Variants in PRKACB observed in about 807,000 individuals in gnomAD.
PRKACB encodes cAMP-dependent protein kinase catalytic subunit beta.
In PRKACB, 16 loss-of-function variants were observed where a neutral mutation model predicts 51.4. The observed-to-expected ratio is 0.31, with a 90% CI of 0.21 to 0.47. The LOEUF (loss-of-function observed/expected upper bound fraction) is 0.47, where lower values mean the gene tolerates loss of function less well. PRKACB is among the 20% of genes least tolerant of loss of function. PRKACB has a pLI of 1.00. For missense variants in PRKACB, 309 were observed against 464.5 expected, an observed-to-expected ratio of 0.67 and a Z score of 3.08; for synonymous variants, 147 against 154.4, an observed-to-expected ratio of 0.95 and a Z score of 0.35.
chr1:84,181,139 A>G (rs1261313147), intron 2 of PRKACB, among the ~76,000 whole-genome samples: 3 of 152,050 alleles, frequency 2.0e-5, no homozygotes, highest in African/African-American at 4.8e-5. Flanking sequence ...ATGATCCAAC[A>G]GAAAGCTAAA....
chr1:84,213,533 C>T (rs1672437830), intron 8 of PRKACB, among the ~76,000 whole-genome samples: 1 of 152,082 alleles, frequency 6.6e-6, no homozygotes, highest in Non-Finnish European at 1.5e-5. Flanking sequence ...ATTGTAAAGT[C>T]TTCACAATTT....
At chr1:84,233,963 G>C (rs1676220856) in intron 9 of PRKACB, among the ~76,000 whole-genome samples, 1 of 152,122 alleles carries the variant, frequency 6.6e-6, no homozygotes, top group South Asian at 2.1e-4. Flanking sequence ...GTGAGGAACT[G>C]CGTTCCTTTG....
chr1:84,143,824 A>T (rs1653680369), upstream of PRKACB, among the ~76,000 whole-genome samples: 1 of 152,102 alleles, frequency 6.6e-6, no homozygotes, highest in Non-Finnish European at 1.5e-5. Flanking sequence ...CGTGTTATAA[A>T]TTTGTTTTGC....
intron 1 of PRKACB, among the ~76,000 whole-genome samples, chr1:84,109,201 A>G (rs1650018229): frequency 6.6e-6 from 1 of 151,988 alleles, no homozygotes; most frequent in South Asian, 2.1e-4. Flanking sequence ...TAATGCTACT[A>G]TAAACATTCC....
intron 1 of PRKACB, among the ~76,000 whole-genome samples, chr1:84,127,684 GT>G (rs767635086): frequency 2.0e-4 from 30 of 151,806 alleles, no homozygotes; most frequent in Non-Finnish European, 3.8e-4. Flanking sequence ...AATAAATTTA[GT>G]TCTTATTTTC....
intron 3 of PRKACB, among the ~76,000 whole-genome samples, chr1:84,182,838 C>A (rs1217053389): frequency 6.6e-6 from 1 of 151,988 alleles, no homozygotes; most frequent in African/African-American, 2.4e-5. Flanking sequence ...TGATGGACAA[C>A]TATAATTTAT....
At position 84,214,157 on chromosome 1, in the gene PRKACB, G is replaced by A; in HGVS notation, c.911G>A (p.Arg304Gln). The part of the protein sequence containing the change: ...IYEKIVSGKV[R>Q]FPSHFSSDLK... ...CCAAATGGTGTGTTTGTGTAGGTCC[G>A]ATTCCCATCCCACTTCAGTTCAGAT... The change falls in exon 9 of 10, where the codon CGA becomes CAA. Residue 304 changes from arginine to glutamine, a missense_variant. Transcript: ENST00000370685. 1.9e-6 allele frequency: 3 copies of A among 1,605,840 alleles called. No individual in the cohort carries two copies. The highest frequency in any genetic ancestry group is 2.5e-6 in the Non-Finnish European group (3 of 1,176,576).
chr1:84,221,805 A>G (rs1024016074), intron 9 of PRKACB, among the ~76,000 whole-genome samples: 2 of 152,096 alleles, frequency 1.3e-5, no homozygotes, highest in Non-Finnish European at 2.9e-5. Flanking sequence ...TATGATTTCA[A>G]GTTTTTAAAA....
chr1:84,204,581 T>C (rs919125330), intron 8 of PRKACB: 6 of 1,468,546 alleles, frequency 4.1e-6, no homozygotes, highest in Middle Eastern at 2.1e-4. Flanking sequence ...TCAAGAGGAC[T>C]AAAGGTCATA....
chr1:84,118,779 A>C (rs555207057), intron 1 of PRKACB, among the ~76,000 whole-genome samples: 18 of 152,210 alleles, frequency 1.2e-4, no homozygotes, highest in Admixed American at 2.6e-4. Context: ...CACTTATAAT[A>C]ATATTTACTT....
At chr1:84,124,553 T>C (rs1651390862) in intron 1 of PRKACB, among the ~76,000 whole-genome samples, 1 of 152,220 alleles carries the variant, frequency 6.6e-6, no homozygotes, top group Non-Finnish European at 1.5e-5. Flanking sequence ...ACATTTGTAA[T>C]GTTGCTGTCT....
At chr1:84,093,291 C>CTG (rs1553158610) in intron 1 of PRKACB, among the ~76,000 whole-genome samples, 6 of 151,516 alleles carry the variant, frequency 4.0e-5, no homozygotes, top group African/African-American at 1.5e-4. Context: ...CTCTCTCTCT[C>CTG]TGTGTATGCG....
At position 84,238,173 on chromosome 1, in the gene PRKACB, T is replaced by C. The variant is rs1676818582; in HGVS notation, c.*2868T>C. The C allele has an allele frequency of 2.6e-5, 4 of 152,472 alleles. No individual in the cohort carries two copies. Among genetic ancestry groups the C allele is most frequent in the South Asian group, 2.1e-4 (1 of 4,832 alleles). The allele number at this position is 152,472 out of a possible 1,614,324, so 9.4% of individuals were successfully genotyped here. ...CTACCAAAAACGATATTGTGGCTTA[T>C]GGGTATTGCTGTCTCATTCTTGGTA... On this transcript the variant is annotated 3_prime_UTR_variant, in exon 10 of 10. Transcript: ENST00000370685.
chr1:84,164,291 T>C (rs1656705757), intron 1 of PRKACB: 4 of 1,502,362 alleles, frequency 2.7e-6, no homozygotes, highest in Non-Finnish European at 2.7e-6. Context: ...TCGCCAATAG[T>C]CACTAGCAAC....
chr1:84,118,875 A>G (rs949687713), intron 1 of PRKACB, among the ~76,000 whole-genome samples: 1 of 152,186 alleles, frequency 6.6e-6, no homozygotes, highest in Non-Finnish European at 1.5e-5. Flanking sequence ...TAGTTGACAT[A>G]TGTATCAAAA....
intron 2 of PRKACB, among the ~76,000 whole-genome samples, chr1:84,179,756 T>C (rs1662582461): frequency 1.3e-5 from 2 of 151,926 alleles, no homozygotes; most frequent in Non-Finnish European, 2.9e-5. Flanking sequence ...TTTACAAAAA[T>C]AATATTTTTG....
intron 1 of PRKACB, 103 bp downstream of exon 1, chr1:84,144,651 G>A (rs1481356577): frequency 8.0e-7 from 1 of 1,256,870 alleles, no homozygotes; most frequent in African/African-American, 1.6e-5. Context: ...GTTGTTTTCT[G>A]ATTTTCACAA....
In PRKACB at chr1:84,202,526, A is replaced by G. The variant is rs113083296; in HGVS notation, c.784-157A>G. On this transcript the variant is annotated intron_variant, in intron 7 of 9. Coordinates refer to ENST00000370685, the MANE Select transcript of PRKACB (RefSeq NM_182948.4). Reference sequence around the variant, plus strand: ...TTGTTTAATTTAAATCTGACCTGATACATTTGGTTCATTTTTAAATTCTGT... The same window carrying G: ...TTGTTTAATTTAAATCTGACCTGATGCATTTGGTTCATTTTTAAATTCTGT... 2.1e-3 allele frequency among the ~76,000 whole-genome samples: 324 copies of G among 152,210 alleles called. 3 individuals are homozygous for G. The highest frequency in any genetic ancestry group is 7.5e-3 in the African/African-American group (310 of 41,574).
intron 1 of PRKACB, among the ~76,000 whole-genome samples, chr1:84,128,995 T>TG (rs1651910301): frequency 6.6e-6 from 1 of 152,186 alleles, no homozygotes; most frequent in African/African-American, 2.4e-5. Flanking sequence ...ACTATAATAT[T>TG]GGACAGTGTA....
Sources: allele counts gnomAD v4.1 joint callset (sites outside exome capture counted in the v4.1 genomes callset), GRCh38; gene constraint gnomAD v4.1.1; transcripts MANE v1.5; gene names NCBI Gene and HGNC (gene_info 2026-07-23, HGNC 2026-07-21).